The following FHIT variants were observed in gnomAD, a reference collection of about 807,000 sequenced individuals.
FHIT encodes bis(5'-adenosyl)-triphosphatase.
Under a neutral mutation model 17.9 loss-of-function variants are expected in FHIT, and 19 were observed. The ratio of observed to expected loss-of-function variants is 1.06; its 90% CI spans 0.74 to 1.56. FHIT has a LOEUF of 1.56. Among genes scored for constraint, FHIT ranks in the 40% most tolerant of loss-of-function variants. The probability of loss-of-function intolerance (pLI) is 0.00; values close to 1 mark genes in which losing one functional copy is unlikely to be tolerated. For missense variants in FHIT, 248 were observed against 189.2 expected, an observed-to-expected ratio of 1.31 and a Z score of -1.82; for synonymous variants, 81 against 69.7, an observed-to-expected ratio of 1.16 and a Z score of -0.81.
chr3:60,143,552 G>C (rs943391896), intron 5 of FHIT, among the ~76,000 whole-genome samples: 1 of 152,040 alleles, frequency 6.6e-6, no homozygotes, highest in Non-Finnish European at 1.5e-5. Flanking sequence ...GATTCACTAA[G>C]ACACAAGCAA....
chr3:60,540,891 A>G (rs2036164393), intron 4 of FHIT, among the ~76,000 whole-genome samples: 1 of 152,174 alleles, frequency 6.6e-6, no homozygotes, highest in South Asian at 2.1e-4. Context: ...TTAAAAACCC[A>G]ACAGTTCTCA....
intron 7 of FHIT, among the ~76,000 whole-genome samples, chr3:59,949,214 C>G (rs61614530): frequency 0.059 from 9,043 of 152,270 alleles, 345 homozygotes; most frequent in Admixed American, 0.1. Context: ...TTTCAGAGAT[C>G]CTCTCTCATT....
chr3:60,062,300 A>T (rs1011348444), intron 5 of FHIT, among the ~76,000 whole-genome samples: 1 of 152,164 alleles, frequency 6.6e-6, no homozygotes. Flanking sequence ...AATGTATTCT[A>T]TGCTGTGGAG....
chr3:60,678,063 C>T (rs2040663990), intron 4 of FHIT, among the ~76,000 whole-genome samples: 1 of 152,042 alleles, frequency 6.6e-6, no homozygotes, highest in Non-Finnish European at 1.5e-5. Context: ...GTTAGTACAG[C>T]CAGAGGCTTA....
intron 5 of FHIT, among the ~76,000 whole-genome samples, chr3:60,150,294 G>A (rs1368476881): frequency 6.6e-6 from 1 of 152,048 alleles, no homozygotes; most frequent in East Asian, 1.9e-4. Flanking sequence ...ACTGTGCCCG[G>A]CCTGCCTTTA....
intron 8 of FHIT, among the ~76,000 whole-genome samples, chr3:59,823,585 T>TAA (rs534066029): frequency 6.7e-6 from 1 of 149,522 alleles, no homozygotes; most frequent in African/African-American, 2.5e-5. Flanking sequence ...AAAACAGAAT[T>TAA]AAAAAAAAAA....
At chr3:60,049,504 C>G (rs1199190929) in intron 5 of FHIT, among the ~76,000 whole-genome samples, 1 of 152,008 alleles carries the variant, frequency 6.6e-6, no homozygotes, top group Non-Finnish European at 1.5e-5. Flanking sequence ...ATGAATCAAT[C>G]AGTTCCAATG....
rs1553725880 is a variant in FHIT, at chr3:60,782,237, G to GTGTGTGTGTATATATATATATATATATA, written c.-18+39681_-18+39682insTATATATATATATATATATACACACACA. ...TATTTCATTGTGTGTGTGTGTGTGT[G>GTGTGTGTGTATATATATATATATATATA]TATATATATATATATATCACATTTT... On this transcript the variant is annotated intron_variant, in intron 4 of 9. Transcript: ENST00000492590. Among the ~76,000 whole-genome samples the GTGTGTGTGTATATATATATATATATATA allele has an allele frequency of 9.5e-4, 91 of 95,552 alleles. 2 individuals carry two copies. Among genetic ancestry groups the GTGTGTGTGTATATATATATATATATATA allele is most frequent in the African/African-American group, 3.1e-3 (87 of 28,272 alleles). The allele number at this position is 95,552 out of a possible 152,430, so 62.7% of individuals were successfully genotyped here.
chr3:60,925,337 C>A, intron 3 of FHIT, among the ~76,000 whole-genome samples: 1 of 152,196 alleles, frequency 6.6e-6, no homozygotes, highest in Non-Finnish European at 1.5e-5. Context: ...CAAAGGGAAG[C>A]CCATTCAGAC....
intron 5 of FHIT, among the ~76,000 whole-genome samples, chr3:60,514,768 G>A (rs2035086983): frequency 6.6e-6 from 1 of 152,122 alleles, no homozygotes; most frequent in Non-Finnish European, 1.5e-5. Flanking sequence ...AGAAGTCTCT[G>A]AGAGGAGAGA....
At chr3:60,148,774 GAA>G (rs1199764636) in intron 5 of FHIT, among the ~76,000 whole-genome samples, 5 of 152,188 alleles carry the variant, frequency 3.3e-5, no homozygotes, top group Admixed American at 6.5e-5. Context: ...GCTCAGAAGA[GAA>G]AGACACATTA....
chr3:60,963,710 G>A (rs1472310314), intron 3 of FHIT, among the ~76,000 whole-genome samples: 1 of 150,066 alleles, frequency 6.7e-6, no homozygotes, highest in African/African-American at 2.5e-5. Flanking sequence ...TCAGGAGCAG[G>A]TTGTTCAGTT....
intron 5 of FHIT, among the ~76,000 whole-genome samples, chr3:60,203,975 G>C (rs539262635): frequency 6.6e-6 from 1 of 152,046 alleles, no homozygotes; most frequent in Non-Finnish European, 1.5e-5. Flanking sequence ...AATAGTTAGT[G>C]AGTATAAAAA....
At chr3:59,980,783 C>T (rs536639451) in intron 7 of FHIT, among the ~76,000 whole-genome samples, 44 of 152,278 alleles carry the variant, frequency 2.9e-4, no homozygotes, top group Admixed American at 5.9e-4. Flanking sequence ...GTGTCTTGAT[C>T]TTGAACTTCC....
At chr3:60,101,422 C>G (rs75292211) in intron 5 of FHIT, among the ~76,000 whole-genome samples, 2,053 of 152,332 alleles carry the variant, frequency 0.013, 40 homozygotes, top group African/African-American at 0.046. Context: ...AGGACTGGCT[C>G]TTGCTCATCC....
At chr3:60,826,348 T>G (rs1390179733) in intron 3 of FHIT, among the ~76,000 whole-genome samples, 1 of 151,178 alleles carries the variant, frequency 6.6e-6, no homozygotes, top group Non-Finnish European at 1.5e-5. Context: ...TGTTTTGAGA[T>G]GGACTTTCAC....
At chr3:59,930,585 C>A (rs1399646779) in intron 7 of FHIT, among the ~76,000 whole-genome samples, 5 of 152,118 alleles carry the variant, frequency 3.3e-5, no homozygotes, top group Admixed American at 6.5e-5. Context: ...TCAGTTCCCC[C>A]TCCGTGATTC....
At chr3:61,164,439 G>A (rs908468230) in intron 2 of FHIT, among the ~76,000 whole-genome samples, 1 of 152,160 alleles carries the variant, frequency 6.6e-6, no homozygotes, top group Non-Finnish European at 1.5e-5. Flanking sequence ...CGCTTCAGGT[G>A]AAACTGATGC....
At chr3:59,855,599 C>T (rs1042849289) in intron 8 of FHIT, among the ~76,000 whole-genome samples, 4 of 151,846 alleles carry the variant, frequency 2.6e-5, no homozygotes, top group Non-Finnish European at 1.5e-5. Context: ...AGAAGATAGC[C>T]TCAATGTTAA....
Sources: allele counts gnomAD v4.1 joint callset (sites outside exome capture counted in the v4.1 genomes callset), GRCh38; gene constraint gnomAD v4.1.1; transcripts MANE v1.5; gene names NCBI Gene and HGNC (gene_info 2026-07-23, HGNC 2026-07-21).